The following AGBL1 variants were observed in gnomAD, a reference collection of about 807,000 sequenced individuals.
AGBL1 encodes the protein AGBL carboxypeptidase 1, also known as cytosolic carboxypeptidase 4.
Under a neutral mutation model 118.9 loss-of-function variants are expected in AGBL1, and 130 were observed. The ratio of observed to expected loss-of-function variants is 1.09; its 90% CI spans 0.95 to 1.26. The LOEUF (loss-of-function observed/expected upper bound fraction) is 1.26, where lower values mean the gene tolerates loss of function less well. Ranked by LOEUF, AGBL1 falls within the 50% of genes most tolerant of loss-of-function variation. The pLI, the probability that AGBL1 is intolerant of heterozygous loss-of-function variation, is 0.00. For missense variants in AGBL1, 1,584 were observed against 1,298.1 expected, an observed-to-expected ratio of 1.22 and a Z score of -3.38; for synonymous variants, 555 against 478.9, an observed-to-expected ratio of 1.16 and a Z score of -2.08.
intron 21 of AGBL1, among the ~76,000 whole-genome samples, chr15:86,661,149 C>A (rs931317696): frequency 6.6e-6 from 1 of 152,178 alleles, no homozygotes; most frequent in Non-Finnish European, 1.5e-5. Flanking sequence ...ATTCTTCCTT[C>A]AGACATTCAA....
chr15:87,028,885 G>A (rs752030165), exon 25 of AGBL1: 1 of 1,575,234 alleles, frequency 6.3e-7, no homozygotes, highest in Non-Finnish European at 8.7e-7. Flanking sequence ...CATGCCATGT[G>A]CCCAGCTCCT....
intron 21 of AGBL1, among the ~76,000 whole-genome samples, chr15:86,570,245 G>T (rs1310519812): frequency 1.3e-5 from 2 of 152,220 alleles, no homozygotes; most frequent in East Asian, 1.9e-4. Context: ...GCTGGGGGAG[G>T]TCCCCAAACA....
At chr15:86,770,743 C>T (rs1364023066) in intron 22 of AGBL1, among the ~76,000 whole-genome samples, 1 of 151,952 alleles carries the variant, frequency 6.6e-6, no homozygotes, top group African/African-American at 2.4e-5. Context: ...GCATTGATTT[C>T]CTGCTAGAGA....
intron 1 of AGBL1, among the ~76,000 whole-genome samples, chr15:86,112,361 A>G: frequency 6.6e-6 from 1 of 152,246 alleles, no homozygotes; most frequent in East Asian, 1.9e-4. Flanking sequence ...TGTTTAAACA[A>G]AAAACGACAT....
chr15:86,798,830 TGGA>T (rs1400312229), intron 22 of AGBL1, among the ~76,000 whole-genome samples: 1 of 150,916 alleles, frequency 6.6e-6, no homozygotes, highest in East Asian at 2.0e-4. Flanking sequence ...TTGTTCGTGG[TGGA>T]GTTTTTGTTG....
chr15:86,363,079 G>A (rs1186422190), intron 17 of AGBL1, among the ~76,000 whole-genome samples: 1 of 152,170 alleles, frequency 6.6e-6, no homozygotes, highest in Non-Finnish European at 1.5e-5. Flanking sequence ...GTCTGCAGCT[G>A]TGGCCAGGCT....
chr15:86,551,958 C>T (rs1051116783), intron 20 of AGBL1, among the ~76,000 whole-genome samples: 3 of 152,052 alleles, frequency 2.0e-5, no homozygotes, highest in East Asian at 1.9e-4. Context: ...CTAAAAAGAT[C>T]GGGGTTGCCA....
At chr15:86,654,998 G>T (rs1034227177) in intron 21 of AGBL1, among the ~76,000 whole-genome samples, 2 of 152,068 alleles carry the variant, frequency 1.3e-5, no homozygotes, top group African/African-American at 2.4e-5. Context: ...AGCAGTTGGA[G>T]GTCTGTTTCT....
intron 5 of AGBL1, among the ~76,000 whole-genome samples, chr15:86,183,871 C>T (rs1002202032): frequency 1.5e-4 from 23 of 152,206 alleles, no homozygotes; most frequent in African/African-American, 5.1e-4. Flanking sequence ...TAAGAGGGAA[C>T]GTGGAAAATG....
intron 3 of AGBL1, among the ~76,000 whole-genome samples, chr15:86,144,906 C>T (rs1226310781): frequency 1.3e-5 from 2 of 152,186 alleles, no homozygotes; most frequent in Non-Finnish European, 2.9e-5. Context: ...CTTAACGTAA[C>T]AGAAGACTGT....
chr15:86,441,179 A>T (rs920284092), intron 18 of AGBL1, among the ~76,000 whole-genome samples: 5 of 152,228 alleles, frequency 3.3e-5, no homozygotes, highest in African/African-American at 1.2e-4. Context: ...GTGCCACGTG[A>T]CTGTACTACA....
At chr15:86,739,871 C>T (rs747112248) in intron 22 of AGBL1, among the ~76,000 whole-genome samples, 3 of 152,150 alleles carry the variant, frequency 2.0e-5, no homozygotes, top group Non-Finnish European at 4.4e-5. Flanking sequence ...CCTCCCTCTC[C>T]AGAAGGGTGG....
chr15:86,979,814 C>A (rs975660791), intron 23 of AGBL1, among the ~76,000 whole-genome samples: 1 of 152,110 alleles, frequency 6.6e-6, no homozygotes, highest in Admixed American at 6.6e-5. Flanking sequence ...GAGGCACTTT[C>A]TTGAAGAACT....
Position 86,914,393 on chromosome 15 carries a change from A to G in AGBL1, c.*7099A>G, listed in dbSNP as rs574542999. 9 of 152,154 alleles carry G rather than the reference A, an allele frequency of 5.9e-5. No individual in the cohort carries two copies. Among genetic ancestry groups the G allele is most frequent in the South Asian group, 2.1e-4 (1 of 4,818 alleles). 9.4% of individuals were successfully genotyped at this position (152,154 alleles called of 1,614,324 possible). On this transcript the variant is annotated 3_prime_UTR_variant, in exon 23 of 23. Transcript: ENST00000614907. ...GGGATAAATGGACATTATGATTGCC[A>G]TTTTAAAAATGAAGTGCACCCATAC...
At chr15:86,668,395 T>A (rs979522278) in intron 21 of AGBL1, among the ~76,000 whole-genome samples, 1 of 152,202 alleles carries the variant, frequency 6.6e-6, no homozygotes, top group Non-Finnish European at 1.5e-5. Context: ...TCTTATTGTT[T>A]CCTTTTTGTG....
intron 21 of AGBL1, among the ~76,000 whole-genome samples, chr15:86,648,140 C>G (rs558596479): frequency 6.6e-6 from 1 of 152,276 alleles, no homozygotes; most frequent in East Asian, 1.9e-4. Context: ...GTGGCATAAT[C>G]TGACTTACAT....
At chr15:86,881,125 T>TTTG (rs2079885688) in intron 22 of AGBL1, among the ~76,000 whole-genome samples, 1 of 152,186 alleles carries the variant, frequency 6.6e-6, no homozygotes, top group African/African-American at 2.4e-5. Context: ...CATGCTAAGT[T>TTTG]CCATTTTGCA....
At chr15:86,246,995 C>CT (rs899283151) in intron 6 of AGBL1, among the ~76,000 whole-genome samples, 21 of 152,032 alleles carry the variant, frequency 1.4e-4, no homozygotes, top group Admixed American at 3.9e-4. Flanking sequence ...TATTATGTTT[C>CT]TTTTTTTTCT....
At chr15:86,827,348 T>TACACAC (rs2079029576) in intron 22 of AGBL1, among the ~76,000 whole-genome samples, 2 of 9,102 alleles carry the variant, frequency 2.2e-4, no homozygotes, top group Non-Finnish European at 1.6e-4. Context: ...TGTGTATATA[T>TACACAC]ATATATATAT....
Sources: allele counts gnomAD v4.1 joint callset (sites outside exome capture counted in the v4.1 genomes callset), GRCh38; gene constraint gnomAD v4.1.1; transcripts MANE v1.5; gene names NCBI Gene and HGNC (gene_info 2026-07-23, HGNC 2026-07-21).